Variants in TTLL5 observed in about 807,000 individuals in gnomAD.
TTLL5 encodes tubulin tyrosine ligase like 5, also known as tubulin polyglutamylase TTLL5.
In TTLL5, 132 loss-of-function variants were observed where a neutral mutation model predicts 168.4. The ratio of observed to expected loss-of-function variants is 0.78; its 90% CI spans 0.68 to 0.91. TTLL5 has a LOEUF of 0.91. Among genes scored for constraint, TTLL5 ranks in the 40% least tolerant of loss-of-function variants. The probability of loss-of-function intolerance (pLI) is 0.00; values close to 1 mark genes in which losing one functional copy is unlikely to be tolerated. For missense variants in TTLL5, 1,545 were observed against 1,581.5 expected (o/e 0.98, Z 0.39); for synonymous variants, 546 against 558.6 (o/e 0.98, Z 0.32).
intron 4 of TTLL5, 75 bp downstream of exon 4, chr14:75,681,702 T>G (rs1040216389): frequency 3.1e-6 from 4 of 1,286,432 alleles, no homozygotes; most frequent in Non-Finnish European, 4.5e-6. Context: ...ACTTTACCAG[T>G]TAACAGGGCC....
intron 28 of TTLL5, among the ~76,000 whole-genome samples, chr14:75,845,205 T>G (rs1041456057): frequency 2.0e-5 from 3 of 151,908 alleles, no homozygotes; most frequent in African/African-American, 7.3e-5. Flanking sequence ...GTAGCAGGAG[T>G]TTTTTTTCTT....
intron 20 of TTLL5, among the ~76,000 whole-genome samples, chr14:75,771,427 CAAA>C (rs770570664): frequency 1.5e-4 from 23 of 148,892 alleles, no homozygotes; most frequent in Non-Finnish European, 3.4e-4. Context: ...GACCTTGTCT[CAAA>C]AAAAAAATTT....
intron 26 of TTLL5, among the ~76,000 whole-genome samples, chr14:75,785,283 G>A (rs1473683623): frequency 2.7e-5 from 4 of 150,150 alleles, no homozygotes; most frequent in African/African-American, 4.9e-5. Flanking sequence ...AGGTTCAAGC[G>A]ATTCTCTTGC....
At chr14:75,948,206 G>A (rs189614081) in intron 31 of TTLL5, among the ~76,000 whole-genome samples, 48 of 152,008 alleles carry the variant, frequency 3.2e-4, no homozygotes, top group Non-Finnish European at 5.3e-4. Context: ...CATAATTGGC[G>A]GGGCACAGTG....
chr14:75,826,258 T>G (rs1895122155), intron 28 of TTLL5, among the ~76,000 whole-genome samples: 1 of 151,046 alleles, frequency 6.6e-6, no homozygotes. Context: ...CTTTGAAGTA[T>G]TAATGATAAA....
In TTLL5 at chr14:75,848,107, C is replaced by T. The variant is rs142960; in HGVS notation, c.3327-15560C>T. On this transcript the variant is annotated intron_variant, in intron 28 of 31. Coordinates refer to ENST00000298832, the MANE Select transcript of TTLL5 (RefSeq NM_015072.5). ...AGTTTTGGAGTTGTCTCCTATTTCC[C>T]TTGGCCAACTGAAGGAAGGGGGCAG... 5.6e-3 allele frequency among the ~76,000 whole-genome samples: 850 copies of T among 151,820 alleles called. 19 individuals are homozygous for T. Among genetic ancestry groups the T allele is most frequent in the African/African-American group, 0.02 (810 of 41,250 alleles).
chr14:75,677,388 CTCTTTT>C (rs1227838080), intron 3 of TTLL5, among the ~76,000 whole-genome samples: 5 of 135,328 alleles, frequency 3.7e-5, no homozygotes, highest in Admixed American at 1.6e-4. Flanking sequence ...CTCTCTCTCT[CTCTTTT>C]TTTTTTTTTT....
At chr14:75,725,932 T>C (rs1185869354) in intron 12 of TTLL5, among the ~76,000 whole-genome samples, 1 of 152,230 alleles carries the variant, frequency 6.6e-6, no homozygotes, top group Non-Finnish European at 1.5e-5. Context: ...AAAATTCTCC[T>C]TCTGGACCCC....
intron 6 of TTLL5, among the ~76,000 whole-genome samples, chr14:75,692,314 C>T (rs1381166410): frequency 6.6e-6 from 1 of 152,146 alleles, no homozygotes; most frequent in Admixed American, 6.5e-5. Context: ...TTTAACTACT[C>T]ACTATATTAA....
At chr14:75,731,584 T>C (rs966513956) in intron 12 of TTLL5, among the ~76,000 whole-genome samples, 1 of 152,126 alleles carries the variant, frequency 6.6e-6, no homozygotes, top group African/African-American at 2.4e-5. Context: ...GTTGGGAAGG[T>C]AGAGAAAGAG....
chr14:75,898,449 C>T (rs944225687), intron 30 of TTLL5, among the ~76,000 whole-genome samples: 1 of 152,186 alleles, frequency 6.6e-6, no homozygotes, highest in South Asian at 2.1e-4. Context: ...TGAGAGCAGC[C>T]TGGGTGACAT....
rs560166360 is a variant in TTLL5 at position 75,949,433 on chromosome 14, C to CTA, written c.3824-4979_3824-4978dup. On this transcript the variant is annotated intron_variant, in intron 31 of 31. Coordinates refer to ENST00000298832, the MANE Select transcript of TTLL5 (RefSeq NM_015072.5). ...TGGTTTTATAGAGTATATATATATT[C>CTA]TATATATATATATTCTATATCCTAT... is the stretch of plus-strand genomic sequence containing the variant. Among the ~76,000 whole-genome samples the CTA allele has an allele frequency of 7.2e-3, 805 of 112,164 alleles. 5 individuals are homozygous for CTA. Among genetic ancestry groups the CTA allele is most frequent in the African/African-American group, 0.025 (755 of 30,148 alleles). The allele number at this position is 112,164 out of a possible 152,430, so 73.6% of individuals were successfully genotyped here.
chr14:75,795,292 A>C (rs1461704727), intron 27 of TTLL5, among the ~76,000 whole-genome samples: 1 of 152,256 alleles, frequency 6.6e-6, no homozygotes, highest in Non-Finnish European at 1.5e-5. Flanking sequence ...TTGTTATTTC[A>C]GCCATAAAAG....
chr14:75,727,892 C>T, intron 12 of TTLL5: 1 of 481,032 alleles, frequency 2.1e-6, no homozygotes, highest in African/African-American at 2.0e-5. Context: ...GGAAGCAGCA[C>T]AAGGAGTCCT....
chr14:75,827,707 C>CTTTTTTTTTTTTTTTTTTTT (rs561078439), intron 28 of TTLL5, among the ~76,000 whole-genome samples: 1 of 53,204 alleles, frequency 1.9e-5, no homozygotes, highest in Non-Finnish European at 3.1e-5. Flanking sequence ...TGGCTTGGTT[C>CTTTTTTTTTTTTTTTTTTTT]TTTTTTTTTT....
chr14:75,760,998 T>A (rs1890605667), intron 18 of TTLL5, among the ~76,000 whole-genome samples: 1 of 152,070 alleles, frequency 6.6e-6, no homozygotes, highest in Admixed American at 6.5e-5. Context: ...TGTCAAAGGA[T>A]TGATATCTAG....
chr14:75,891,102 A>G (rs1264634231), intron 30 of TTLL5, among the ~76,000 whole-genome samples: 3 of 152,186 alleles, frequency 2.0e-5, no homozygotes, highest in Non-Finnish European at 2.9e-5. Context: ...GCCTTCTGCA[A>G]TATGACCTCT....
At chr14:75,827,689 A>G (rs575094052) in intron 28 of TTLL5, among the ~76,000 whole-genome samples, 2 of 138,790 alleles carry the variant, frequency 1.4e-5, no homozygotes, top group African/African-American at 2.7e-5. Flanking sequence ...AATAATCAAT[A>G]CCACATTTGG....
chr14:75,698,411 A>T (rs1047623910), intron 6 of TTLL5, among the ~76,000 whole-genome samples: 1 of 151,766 alleles, frequency 6.6e-6, no homozygotes, highest in Admixed American at 6.6e-5. Context: ...TTTACAGTGA[A>T]TTTTTTTTTA....
Sources: gnomAD v4.1 joint callset for allele counts (sites outside exome capture counted in the v4.1 genomes callset) on GRCh38, gnomAD v4.1.1 for gene constraint, MANE v1.5 for transcripts, NCBI Gene and HGNC (gene_info 2026-07-23, HGNC 2026-07-21) for gene names.